Variants in PDE10A observed in about 807,000 individuals in gnomAD.
The protein encoded by PDE10A is phosphodiesterase 10A, also known as cAMP and cAMP-inhibited cGMP 3',5'-cyclic phosphodiesterase 10A.
Under a neutral mutation model 97.7 loss-of-function variants are expected in PDE10A, and 39 were observed. That is an observed-to-expected ratio of 0.40 (90% CI 0.31 to 0.52). The LOEUF is 0.52. PDE10A is among the 20% of genes least tolerant of loss of function. The pLI is 0.56. For missense variants in PDE10A, 731 were observed against 1,047.8 expected (o/e 0.70, Z 4.17); for synonymous variants, 371 against 376.8 (o/e 0.98, Z 0.18).
At chr6:165,859,730 CT>C (rs1319369336) in intron 1 of PDE10A, among the ~76,000 whole-genome samples, 1 of 152,212 alleles carries the variant, frequency 6.6e-6, no homozygotes, top group African/African-American at 2.4e-5. Flanking sequence ...TATGTATTAT[CT>C]TTTTTATGTT....
intron 1 of PDE10A, among the ~76,000 whole-genome samples, chr6:165,895,914 C>T (rs767340244): frequency 1.3e-5 from 2 of 152,180 alleles, no homozygotes; most frequent in Non-Finnish European, 2.9e-5. Context: ...CACAATCCCA[C>T]CTCCAGGGAT....
intron 1 of PDE10A, among the ~76,000 whole-genome samples, chr6:165,871,897 C>A (rs117893929): frequency 6.6e-6 from 1 of 152,090 alleles, no homozygotes; most frequent in Admixed American, 6.5e-5. Context: ...GAGATAGGAT[C>A]GAAGGTGGAA....
chr6:165,774,205 G>A (rs976247167), intron 1 of PDE10A, among the ~76,000 whole-genome samples: 5 of 151,952 alleles, frequency 3.3e-5, no homozygotes, highest in African/African-American at 7.2e-5. Flanking sequence ...AAATGAATGC[G>A]ACTTGAAAGT....
At chr6:165,605,834 T>C (rs1432148649) in intron 1 of PDE10A, among the ~76,000 whole-genome samples, 2 of 152,152 alleles carry the variant, frequency 1.3e-5, no homozygotes, top group African/African-American at 4.8e-5. Flanking sequence ...AGAGAGACAC[T>C]TGTCCAAGAC....
At chr6:165,877,087 T>C (rs1376592155) in intron 1 of PDE10A, among the ~76,000 whole-genome samples, 1 of 152,230 alleles carries the variant, frequency 6.6e-6, no homozygotes, top group African/African-American at 2.4e-5. Context: ...GGAAAAACAA[T>C]TTAATTATTA....
chr6:165,846,406 T>A (rs945882287), intron 1 of PDE10A, among the ~76,000 whole-genome samples: 1 of 152,012 alleles, frequency 6.6e-6, no homozygotes. Context: ...AAAAGAGAAA[T>A]CCTCCCAAGT....
chr6:165,733,726 T>C (rs1792495719), intron 1 of PDE10A, among the ~76,000 whole-genome samples: 1 of 152,226 alleles, frequency 6.6e-6, no homozygotes, highest in Admixed American at 6.5e-5. Flanking sequence ...ACTGTTCTCT[T>C]GTCTCAAAGA....
intron 1 of PDE10A, among the ~76,000 whole-genome samples, chr6:165,700,665 G>A (rs966441723): frequency 3.9e-5 from 6 of 152,126 alleles, no homozygotes; most frequent in African/African-American, 1.4e-4. Flanking sequence ...ATTGGAGAGA[G>A]GTAGTCACAT....
chr6:165,901,318 T>A lies in PDE10A; in HGVS notation c.-615+86211A>T, dbSNP rs1349711845. Among the ~76,000 whole-genome samples the A allele has an allele frequency of 3.3e-5, 5 of 152,196 alleles. No individual in the cohort carries two copies. In the East Asian group the frequency reaches 9.6e-4, roughly 29 times the overall value. ...GTTATGCCCAGCTCCACACCAGGTATGTCTTCAATTCACTTTCTAGAGTTA... is the reference window on the plus strand; with the variant it reads ...GTTATGCCCAGCTCCACACCAGGTAAGTCTTCAATTCACTTTCTAGAGTTA... On this transcript the variant is annotated intron_variant, in intron 1 of 19. Coordinates refer to the PDE10A transcript ENST00000366882.
intron 6 of PDE10A, among the ~76,000 whole-genome samples, chr6:165,434,395 G>A (rs373395539): frequency 6.6e-6 from 1 of 152,080 alleles, no homozygotes; most frequent in East Asian, 1.9e-4. Flanking sequence ...TTAGCACTTA[G>A]AGCAATTTTT....
At chr6:165,427,759 CT>C (rs934525970) in intron 10 of PDE10A, among the ~76,000 whole-genome samples, 1 of 152,072 alleles carries the variant, frequency 6.6e-6, no homozygotes, top group Admixed American at 6.6e-5. Flanking sequence ...TACATTATAA[CT>C]TTATATTTTT....
chr6:165,913,931 C>A (rs772162682), intron 1 of PDE10A, among the ~76,000 whole-genome samples: 1 of 152,214 alleles, frequency 6.6e-6, no homozygotes, highest in African/African-American at 2.4e-5. Flanking sequence ...TCTGACTTCA[C>A]GCGGCCTCCA....
At chr6:165,738,014 A>ATTGTAT (rs1554314495) in intron 1 of PDE10A, among the ~76,000 whole-genome samples, 1 of 151,474 alleles carries the variant, frequency 6.6e-6, no homozygotes, top group African/African-American at 2.4e-5. Flanking sequence ...ATTTTATTTT[A>ATTGTAT]TTTTTTTATT....
At chr6:165,647,404 A>G (rs905726737) in intron 1 of PDE10A, among the ~76,000 whole-genome samples, 1 of 152,204 alleles carries the variant, frequency 6.6e-6, no homozygotes, top group Non-Finnish European at 1.5e-5. Flanking sequence ...AAACGCTCAG[A>G]GACAGGAGAG....
chr6:165,809,935 G>A (rs1003780884), intron 1 of PDE10A, among the ~76,000 whole-genome samples: 1 of 152,170 alleles, frequency 6.6e-6, no homozygotes, highest in Non-Finnish European at 1.5e-5. Context: ...ATCTTTCCTT[G>A]TATGATAAAT....
At chr6:165,696,089 A>G (rs1791437494) in intron 1 of PDE10A, among the ~76,000 whole-genome samples, 1 of 152,062 alleles carries the variant, frequency 6.6e-6, no homozygotes, top group African/African-American at 2.4e-5. Flanking sequence ...GAGACATGAC[A>G]CTGTGTGTTG....
intron 1 of PDE10A, among the ~76,000 whole-genome samples, chr6:165,583,317 T>C (rs1264185052): frequency 3.3e-5 from 5 of 152,206 alleles, no homozygotes; most frequent in Non-Finnish European, 1.5e-5. Flanking sequence ...ATTCTCTACC[T>C]CTTCAGTCTT....
At chr6:165,801,380 G>T (rs2128465544) in intron 1 of PDE10A, among the ~76,000 whole-genome samples, 1 of 152,188 alleles carries the variant, frequency 6.6e-6, no homozygotes, top group East Asian at 1.9e-4. Flanking sequence ...CCCCATCTCT[G>T]CTAAAAACAC....
At chr6:165,623,671 G>GCCTCTCACCAGT (rs1398685730) in intron 1 of PDE10A, among the ~76,000 whole-genome samples, 1 of 152,072 alleles carries the variant, frequency 6.6e-6, no homozygotes, top group Non-Finnish European at 1.5e-5. Flanking sequence ...TCACACTGTG[G>GCCTCTCACCAGT]GGTCACCAGT....
Sources: gnomAD v4.1 joint callset for allele counts (sites outside exome capture counted in the v4.1 genomes callset) on GRCh38, gnomAD v4.1.1 for gene constraint, MANE v1.5 for transcripts, NCBI Gene and HGNC (gene_info 2026-07-23, HGNC 2026-07-21) for gene names.